STOX1: variants seen among roughly 807,000 people sequenced by gnomAD.
STOX1 encodes the protein storkhead box 1.
STOX1 carries 57 observed loss-of-function variants against 74.8 expected under a neutral mutation model. The ratio of observed to expected loss-of-function variants is 0.76; its 90% CI spans 0.62 to 0.95. STOX1 has a LOEUF of 0.95. STOX1 is among the 40% of genes least tolerant of loss of function. The pLI, the probability that STOX1 is intolerant of heterozygous loss-of-function variation, is 0.00. For synonymous variants in STOX1, 375 were observed against 401.3 expected, an observed-to-expected ratio of 0.93 and a Z score of 0.78; for missense variants, 1,010 against 1,117.0, an observed-to-expected ratio of 0.90 and a Z score of 1.37.
rs116767467 is a variant in STOX1 at position 68,833,517 on chromosome 10, T to A, written c.310+5584T>A. Reference sequence around the variant, plus strand: ...TTAAGGGCTCACAACTCTAAGAGGGTCCATGTGAGAGGGTCATGATCAATT... The same window carrying A: ...TTAAGGGCTCACAACTCTAAGAGGGACCATGTGAGAGGGTCATGATCAATT... On this transcript the variant is annotated intron_variant, in intron 1 of 3. Coordinates refer to ENST00000298596, the MANE Select transcript of STOX1 (RefSeq NM_152709.5). 7.8e-3 allele frequency among the ~76,000 whole-genome samples: 1,180 copies of A among 152,060 alleles called. 12 individuals are homozygous for A. The highest frequency in any genetic ancestry group is 0.027 in the African/African-American group (1,136 of 41,482).
intron 1 of STOX1, among the ~76,000 whole-genome samples, chr10:68,837,562 C>A (rs930108146): frequency 3.7e-4 from 56 of 152,312 alleles, no homozygotes; most frequent in African/African-American, 1.3e-3. Flanking sequence ...TACTTCTCAG[C>A]CTGAAGTATG....
At chr10:68,836,180 A>G (rs906665840) in intron 1 of STOX1, among the ~76,000 whole-genome samples, 5 of 152,088 alleles carry the variant, frequency 3.3e-5, no homozygotes, top group African/African-American at 7.2e-5. Context: ...CTTGAGTTCA[A>G]TTTTTTGTGC....
At chr10:68,858,756 C>T (rs1189671954) in intron 1 of STOX1, among the ~76,000 whole-genome samples, 1 of 151,498 alleles carries the variant, frequency 6.6e-6, no homozygotes. Context: ...GTAGATAGGC[C>T]TTCCTGGATT....
At chr10:68,851,507 G>A (rs1839982909) in intron 1 of STOX1, among the ~76,000 whole-genome samples, 1 of 152,054 alleles carries the variant, frequency 6.6e-6, no homozygotes, top group African/African-American at 2.4e-5. Context: ...CTATATGAAT[G>A]TATGAATGTA....
intron 3 of STOX1, 59 bp downstream of exon 3, chr10:68,886,677 C>T (rs1840971370): frequency 1.9e-6 from 3 of 1,541,856 alleles, no homozygotes; most frequent in Middle Eastern, 1.7e-4. Flanking sequence ...GCCTGTAATC[C>T]CAGCATTTTG....
chr10:68,894,017 G>A (rs146723729), downstream of STOX1, among the ~76,000 whole-genome samples: 67 of 152,126 alleles, frequency 4.4e-4, no homozygotes, highest in African/African-American at 1.5e-3. Flanking sequence ...TCAGCATGTC[G>A]AGAAGATGAT....
chr10:68,856,037 G>A (rs936290222), intron 1 of STOX1, among the ~76,000 whole-genome samples: 1 of 152,066 alleles, frequency 6.6e-6, no homozygotes, highest in Non-Finnish European at 1.5e-5. Context: ...TCAGCAGTCA[G>A]TCTGAATTCA....
At chr10:68,892,422 T>C (rs189818823) in intron 3 of STOX1, among the ~76,000 whole-genome samples, 167 bp from the exon 4 acceptor site, 180 of 152,260 alleles carry the variant, frequency 1.2e-3, no homozygotes, top group African/African-American at 4.2e-3. Context: ...GTGAAGCCTT[T>C]AAAATGTAAA....
chr10:68,894,752 CGGG>C (rs1441562268), downstream of STOX1, among the ~76,000 whole-genome samples: 1 of 152,062 alleles, frequency 6.6e-6, no homozygotes, highest in Non-Finnish European at 1.5e-5. Context: ...TTTTTTGAGA[CGGG>C]GTCTCTGTCA....
At chr10:68,836,725 T>C (rs1839564820) in intron 1 of STOX1, among the ~76,000 whole-genome samples, 1 of 152,176 alleles carries the variant, frequency 6.6e-6, no homozygotes, top group African/African-American at 2.4e-5. Flanking sequence ...TCTTTAGGTG[T>C]GAACGGCTTC....
intron 1 of STOX1, among the ~76,000 whole-genome samples, chr10:68,844,038 G>T (rs558483088): frequency 8.6e-5 from 13 of 151,892 alleles, no homozygotes; most frequent in African/African-American, 3.1e-4. Flanking sequence ...AAATTAGCCA[G>T]GCGTGGTGGT....
intron 1 of STOX1, among the ~76,000 whole-genome samples, chr10:68,840,685 C>G (rs748857639): frequency 6.6e-6 from 1 of 151,094 alleles, no homozygotes; most frequent in Non-Finnish European, 1.5e-5. Flanking sequence ...TTCAGCCTCC[C>G]AAGTAGCTGG....
chr10:68,845,799 A>C (rs939333729), intron 1 of STOX1, among the ~76,000 whole-genome samples: 1 of 149,946 alleles, frequency 6.7e-6, no homozygotes, highest in Non-Finnish European at 1.5e-5. Context: ...ACGGGGCTTC[A>C]CCATCTTGGC....
At chr10:68,839,154 C>CT (rs1564569991) in intron 1 of STOX1, among the ~76,000 whole-genome samples, 1 of 152,102 alleles carries the variant, frequency 6.6e-6, no homozygotes, top group Non-Finnish European at 1.5e-5. Context: ...ATCCCAACAG[C>CT]TTTTTTATGC....
chr10:68,894,627 A>T (rs1841160889), downstream of STOX1, among the ~76,000 whole-genome samples: 1 of 152,208 alleles, frequency 6.6e-6, no homozygotes, highest in African/African-American at 2.4e-5. Context: ...TCTGGTATAG[A>T]AAAGACTTGT....
At chr10:68,888,892 A>C in intron 3 of STOX1, among the ~76,000 whole-genome samples, 1 of 132,292 alleles carries the variant, frequency 7.6e-6, no homozygotes, top group East Asian at 2.5e-4. Context: ...TCCTGGGCTC[A>C]AGCAATTCAG....
rs1589210844 is a variant in STOX1, at chr10:68,827,591, C to G, written c.-33C>G. The G allele has an allele frequency of 6.2e-6, 7 of 1,129,396 alleles. No individual in the cohort carries two copies. The highest frequency in any genetic ancestry group is 7.6e-6 in the Non-Finnish European group (7 of 922,554). The allele number at this position is 1,129,396 out of a possible 1,614,324, so 70.0% of individuals were successfully genotyped here. On this transcript the variant is annotated 5_prime_UTR_variant, in exon 1 of 4. Coordinates refer to ENST00000298596, the MANE Select transcript of STOX1 (RefSeq NM_152709.5). Reference sequence around the variant, plus strand: ...CGTAGCCGCCGCGCTCGCCGAGGCCCTGCGTTGCGGGCTCCCGGCCGCCGG... The same window carrying G: ...CGTAGCCGCCGCGCTCGCCGAGGCCGTGCGTTGCGGGCTCCCGGCCGCCGG...
At chr10:68,862,339 T>C (rs1302264287) in intron 1 of STOX1, among the ~76,000 whole-genome samples, 1 of 151,952 alleles carries the variant, frequency 6.6e-6, no homozygotes, top group Non-Finnish European at 1.5e-5. Context: ...GATAGAATGA[T>C]TAGTATTAGA....
intron 1 of STOX1, among the ~76,000 whole-genome samples, chr10:68,831,929 CT>C (rs75873763): frequency 1.1e-3 from 163 of 143,264 alleles, no homozygotes; most frequent in African/African-American, 1.4e-3. Flanking sequence ...CTTTTCTTTT[CT>C]TTTTTTTTTT....
Sources: allele counts gnomAD v4.1 joint callset (sites outside exome capture counted in the v4.1 genomes callset), GRCh38; gene constraint gnomAD v4.1.1; transcripts MANE v1.5; gene names NCBI Gene and HGNC (gene_info 2026-07-23, HGNC 2026-07-21).